C4orf50: variants seen among roughly 807,000 people sequenced by gnomAD.
C4orf50 encodes the protein uncharacterized protein C4orf50.
C4orf50 carries 80 observed loss-of-function variants against 77.2 expected under a neutral mutation model. The ratio of observed to expected loss-of-function variants is 1.04; its 90% CI spans 0.87 to 1.25. The LOEUF (loss-of-function observed/expected upper bound fraction) is 1.25, where lower values mean the gene tolerates loss of function less well. Ranked by LOEUF, C4orf50 falls within the 50% of genes most tolerant of loss-of-function variation. The pLI, the probability that C4orf50 is intolerant of heterozygous loss-of-function variation, is 0.00. For missense variants in C4orf50, 1,257 were observed against 1,152.9 expected, an observed-to-expected ratio of 1.09 and a Z score of -1.31; for synonymous variants, 532 against 465.3, an observed-to-expected ratio of 1.14 and a Z score of -1.84.
intron 28 of C4orf50, among the ~76,000 whole-genome samples, chr4:5,986,792 C>T (rs1355281783): frequency 6.6e-6 from 1 of 152,072 alleles, no homozygotes; most frequent in East Asian, 1.9e-4. Flanking sequence ...CCTCCTTGGC[C>T]TCTCAAAGTG....
At chr4:5,972,681 G>A (rs1219854169) in intron 31 of C4orf50, among the ~76,000 whole-genome samples, 1 of 152,242 alleles carries the variant, frequency 6.6e-6, no homozygotes, top group African/African-American at 2.4e-5. Context: ...CTGGTGCCAA[G>A]GGGCTGAGAG....
chr4:5,945,548 C>G, intron 7 of C4orf50, among the ~76,000 whole-genome samples: 1 of 152,080 alleles, frequency 6.6e-6, no homozygotes, highest in Non-Finnish European at 1.5e-5. Context: ...CAAAATGAGT[C>G]GCAGGGCCCT....
Position 6,012,410 on chromosome 4 carries a change from A to G in C4orf50, c.288-442T>C, listed in dbSNP as rs1045874923. On this transcript the variant is annotated intron_variant, in intron 23 of 33. Coordinates refer to ENST00000531445, the Ensembl canonical transcript of C4orf50. Reference sequence around the variant, plus strand: ...CTTTTGCTCAAAGCCACACAGCATTATAGAATCTAGTCAGTCTTACTTCCG... The same window carrying G: ...CTTTTGCTCAAAGCCACACAGCATTGTAGAATCTAGTCAGTCTTACTTCCG... 5.9e-5 allele frequency among the ~76,000 whole-genome samples: 9 copies of G among 152,344 alleles called. No homozygotes were observed. The East Asian group carries it at 7.7e-4, about 13-fold the overall frequency.
At chr4:5,930,808 T>C (rs1257748308) in intron 7 of C4orf50, among the ~76,000 whole-genome samples, 2 of 152,230 alleles carry the variant, frequency 1.3e-5, no homozygotes, top group Admixed American at 1.3e-4. Flanking sequence ...GCAGGGACCA[T>C]GCTTAGATTC....
In C4orf50 at chr4:5,919,140, T is replaced by G. The variant is rs1717159120; in HGVS notation, c.*2475-20952A>C. Among the ~76,000 whole-genome samples, 2 of 152,156 alleles carry G rather than the reference T, an allele frequency of 1.3e-5. No homozygotes were observed. The highest frequency in any genetic ancestry group is 4.8e-5 in the African/African-American group (2 of 41,440). ...GCTAGTGAGCGGTAGCGGGGAATGC[T>G]GGGGTGTGGGGGCAACGTCAGATCG... On this transcript the variant is annotated intron_variant, in intron 7 of 7. Coordinates refer to the C4orf50 transcript ENST00000324058. This position sits in a 1 kb window ranked among gnomAD's most constrained non-coding sequence, Gnocchi z 6.5.
intron 23 of C4orf50, among the ~76,000 whole-genome samples, chr4:6,012,201 A>G (rs78062137): frequency 1.1e-3 from 165 of 152,294 alleles, no homozygotes; most frequent in Admixed American, 2.2e-3. Flanking sequence ...GAAATCTTCA[A>G]CGTCCTCACA....
At chr4:5,903,293 A>G (rs1344231325) in intron 7 of C4orf50, 2 of 152,146 alleles carry the variant, frequency 1.3e-5, no homozygotes, top group Non-Finnish European at 1.5e-5. Context: ...TGGTTTTTAA[A>G]TGTCACTTGC....
At chr4:5,969,161 C>G (rs553226302) in intron 31 of C4orf50, among the ~76,000 whole-genome samples, 30 of 152,214 alleles carry the variant, frequency 2.0e-4, no homozygotes, top group African/African-American at 6.0e-4. Context: ...GAGTAGGGGA[C>G]AGATGAAGAC....
intron 7 of C4orf50, among the ~76,000 whole-genome samples, chr4:5,925,337 CTCTCTTCGCAAAGGACCATTCCA>C (rs1272741418): frequency 1.3e-5 from 2 of 152,170 alleles, no homozygotes; most frequent in Admixed American, 1.3e-4. Flanking sequence ...GGATCCCCAA[CTCTCTTCGCAAAGGACCATTCCA>C]GGCAGGGAGG....
At chr4:5,974,647 T>C (rs1288536391) in intron 30 of C4orf50, among the ~76,000 whole-genome samples, 1 of 152,152 alleles carries the variant, frequency 6.6e-6, no homozygotes, top group African/African-American at 2.4e-5. Flanking sequence ...CACTCTGCCC[T>C]GAGGCCAGAG....
chr4:5,989,138 T>C, exon 28 of C4orf50: 1 of 1,535,708 alleles, frequency 6.5e-7, no homozygotes, highest in Non-Finnish European at 8.7e-7. Flanking sequence ...GATATTTTTG[T>C]CACCTCTCTC....
chr4:5,946,721 C>T (rs994172725), intron 7 of C4orf50, among the ~76,000 whole-genome samples: 9 of 152,204 alleles, frequency 5.9e-5, no homozygotes, highest in Admixed American at 2.0e-4. Context: ...TTAGATTGTG[C>T]GGTCTGGCTC....
intron 7 of C4orf50, among the ~76,000 whole-genome samples, chr4:5,912,256 CG>C (rs948204887): frequency 1.4e-5 from 2 of 146,312 alleles, no homozygotes; most frequent in Non-Finnish European, 3.0e-5. Flanking sequence ...GCACTCCACT[CG>C]TGTGTGTGTG....
chr4:5,947,636 C>A (rs555551911), intron 7 of C4orf50, among the ~76,000 whole-genome samples: 1 of 152,012 alleles, frequency 6.6e-6, no homozygotes, highest in East Asian at 2.0e-4. Flanking sequence ...ACTGCAGCCC[C>A]GAGGGCCTCC....
At chr4:5,995,143 C>T (rs1309170782) in intron 25 of C4orf50, among the ~76,000 whole-genome samples, 1 of 152,138 alleles carries the variant, frequency 6.6e-6, no homozygotes. Context: ...CTCCACCCTT[C>T]CTGTGCAGAG....
chr4:5,929,044 G>A (rs957643986), intron 7 of C4orf50, among the ~76,000 whole-genome samples: 7 of 152,214 alleles, frequency 4.6e-5, no homozygotes, highest in African/African-American at 1.7e-4. Context: ...GATACCCACA[G>A]TAGGCATTCA....
At chr4:5,990,670 A>G in exon 28 of C4orf50, 1 of 399,198 alleles carries the variant, frequency 2.5e-6, no homozygotes, top group Non-Finnish European at 4.4e-6. Context: ...TGTCTGCACC[A>G]GGAGAAAGGC....
intron 7 of C4orf50, among the ~76,000 whole-genome samples, chr4:5,948,820 G>T (rs1281826426): frequency 1.3e-5 from 2 of 151,432 alleles, no homozygotes; most frequent in Non-Finnish European, 2.9e-5. Context: ...AATTAGCCAG[G>T]CGTGGTGGTG....
chr4:5,961,481 T>C (rs937765218), intron 33 of C4orf50, among the ~76,000 whole-genome samples: 1 of 152,266 alleles, frequency 6.6e-6, no homozygotes, highest in African/African-American at 2.4e-5. Flanking sequence ...TTTCCACATA[T>C]TGATTCATTG....
Sources: gnomAD v4.1 joint callset for allele counts (sites outside exome capture counted in the v4.1 genomes callset) on GRCh38, gnomAD v4.1.1 for gene constraint, Gnocchi (gnomAD v3.1) non-coding constraint, MANE v1.5 for transcripts, NCBI Gene and HGNC (gene_info 2026-07-23, HGNC 2026-07-21) for gene names.